Variants in ERMP1 observed in about 807,000 individuals in gnomAD.
ERMP1 encodes the protein Felix-ina.
ERMP1 carries 86 observed loss-of-function variants against 92.0 expected under a neutral mutation model. That is an observed-to-expected ratio of 0.93 (90% CI 0.79 to 1.12). The LOEUF is 1.12. Ranked by LOEUF, ERMP1 falls within the 50% of genes most tolerant of loss-of-function variation. The pLI, the probability that ERMP1 is intolerant of heterozygous loss-of-function variation, is 0.00. For synonymous variants in ERMP1, 530 were observed against 412.8 expected (o/e 1.28, Z -3.44); for missense variants, 1,342 against 1,116.3 (o/e 1.20, Z -2.88).
chr9:5,859,923 G>GAC (rs1183815186), intron 5 of ERMP1, among the ~76,000 whole-genome samples: 2 of 152,104 alleles, frequency 1.3e-5, no homozygotes, highest in African/African-American at 2.4e-5. Flanking sequence ...CCACACCCCT[G>GAC]TATTACACAG....
chr9:5,862,010 T>A (rs192376230), intron 5 of ERMP1, among the ~76,000 whole-genome samples: 207 of 151,984 alleles, frequency 1.4e-3, no homozygotes, highest in South Asian at 0.012. Flanking sequence ...AATTTTTTTT[T>A]TAAAAAAAGT....
At chr9:5,813,199 A>G (rs1246143392) in intron 4 of ERMP1, among the ~76,000 whole-genome samples, 164 bp from the exon 5 acceptor site, 2 of 152,192 alleles carry the variant, frequency 1.3e-5, no homozygotes, top group Non-Finnish European at 2.9e-5. Context: ...TTTCTCTGAT[A>G]TATGTGTTTG....
intron 6 of ERMP1, among the ~76,000 whole-genome samples, chr9:5,847,870 G>A (rs1301678859): frequency 2.0e-5 from 3 of 151,256 alleles, no homozygotes; most frequent in East Asian, 1.9e-4. Flanking sequence ...ACTCCAGCCC[G>A]GGCGACAGAG....
rs1201855997 is a variant in ERMP1, at chr9:5,784,582, A to C, written c.*2562T>G. ...AAAGATACCAACCAGTATATTAAAC[A>C]GTTTATTTCAGTAACATTGTAAGGC... On this transcript the variant is annotated 3_prime_UTR_variant, in exon 15 of 15. Transcript: ENST00000339450. 6.5e-5 allele frequency: 10 copies of C among 152,680 alleles called. No individual in the cohort carries two copies. The highest frequency in any genetic ancestry group is 2.4e-4 in the African/African-American group (10 of 41,476). The allele number at this position is 152,680 out of a possible 1,614,324, so 9.5% of individuals were successfully genotyped here. A position where few individuals can be genotyped will look rare whatever the true frequency, so the allele number is the denominator to read the frequency against.
chr9:5,812,034 A>T, intron 6 of ERMP1, 91 bp downstream of exon 6: 1 of 795,008 alleles, frequency 1.3e-6, no homozygotes, highest in Non-Finnish European at 2.1e-6. Context: ...CTGCCTCTCT[A>T]ATGCACAGGC....
intron 6 of ERMP1, among the ~76,000 whole-genome samples, chr9:5,858,974 G>A (rs1308548678): frequency 1.3e-5 from 2 of 152,146 alleles, no homozygotes; most frequent in Non-Finnish European, 2.9e-5. Context: ...AGTCCCTCTC[G>A]CAGACATGAA....
intron 8 of ERMP1, among the ~76,000 whole-genome samples, chr9:5,809,008 A>G (rs1776009): frequency 0.43 from 64,281 of 150,786 alleles, 14,162 homozygotes; most frequent in East Asian, 0.75. Context: ...CATGAGCCAC[A>G]GCACCCAGCC....
intron 4 of ERMP1, among the ~76,000 whole-genome samples, chr9:5,813,723 A>C (rs951515847): frequency 2.0e-5 from 3 of 151,870 alleles, no homozygotes; most frequent in Non-Finnish European, 4.4e-5. Flanking sequence ...ATTTCACTGA[A>C]TATGCCATAA....
At chr9:5,794,482 T>C (rs1414807218) in intron 13 of ERMP1, among the ~76,000 whole-genome samples, 1 of 151,096 alleles carries the variant, frequency 6.6e-6, no homozygotes, top group Non-Finnish European at 1.5e-5. Context: ...TTAGAAAAGA[T>C]CAATAAAATT....
chr9:5,791,238 T>C (rs773305321), intron 13 of ERMP1: 12 of 456,656 alleles, frequency 2.6e-5, no homozygotes, highest in Middle Eastern at 6.5e-4. Flanking sequence ...GCTTACATGA[T>C]TGTTGAGGCT....
intron 6 of ERMP1, among the ~76,000 whole-genome samples, chr9:5,850,405 C>CA (rs59464514): frequency 0.011 from 442 of 40,592 alleles, 48 homozygotes; most frequent in African/African-American, 0.03. Flanking sequence ...AACTCCGTCT[C>CA]AAAAAAAAAA....
In ERMP1 at chr9:5,825,330, T is replaced by C; in HGVS notation, c.641-111A>G. 3.9e-6 allele frequency: 4 copies of C among 1,023,454 alleles called. No homozygotes were observed. In the South Asian group the frequency reaches 6.7e-5, roughly 17 times the overall value. The allele number at this position is 1,023,454 out of a possible 1,614,324, so 63.4% of individuals were successfully genotyped here. A position where few individuals can be genotyped will look rare whatever the true frequency, so the allele number is the denominator to read the frequency against. On this transcript the variant is annotated intron_variant, in intron 2 of 14. Coordinates refer to ENST00000339450, the MANE Select transcript of ERMP1 (RefSeq NM_024896.3). ...TCAGAGAAGCATCACAATAGCTGCA[T>C]GACCAGAAGCATAGCTCTGTCATCA... is the stretch of plus-strand genomic sequence containing the variant.
intron 6 of ERMP1, among the ~76,000 whole-genome samples, chr9:5,851,578 G>C (rs1226697575): frequency 6.6e-6 from 1 of 152,194 alleles, no homozygotes; most frequent in Non-Finnish European, 1.5e-5. Flanking sequence ...CAAGGGGCAA[G>C]AGTCAACCTG....
intron 6 of ERMP1, among the ~76,000 whole-genome samples, chr9:5,852,350 C>T (rs779216243): frequency 2.2e-4 from 33 of 151,562 alleles, no homozygotes; most frequent in African/African-American, 7.0e-4. Context: ...GCAGCCTTGA[C>T]CTTCCCACGC....
At chr9:5,805,005 A>G in intron 10 of ERMP1, 22 bp downstream of exon 10, 1 of 1,574,086 alleles carries the variant, frequency 6.4e-7, no homozygotes, top group South Asian at 1.2e-5. Context: ...GAAGAAAAAG[A>G]AAAAAACTTA....
chr9:5,809,226 T>C (rs1453391905), intron 8 of ERMP1, among the ~76,000 whole-genome samples: 1 of 151,332 alleles, frequency 6.6e-6, no homozygotes, highest in Non-Finnish European at 1.5e-5. Context: ...TTCACCGTGT[T>C]AGCCAGGATG....
Position 5,785,487 on chromosome 9 carries a change from A to G in ERMP1, c.*1657T>C, listed in dbSNP as rs768562309. The G allele has an allele frequency of 7.2e-5, 11 of 152,248 alleles. No homozygotes were observed. The highest frequency in any genetic ancestry group is 1.3e-4 in the Non-Finnish European group (9 of 68,048). The allele number at this position is 152,248 out of a possible 1,614,324, so 9.4% of individuals were successfully genotyped here. On this transcript the variant is annotated 3_prime_UTR_variant, in exon 15 of 15. Coordinates refer to ENST00000339450, the MANE Select transcript of ERMP1 (RefSeq NM_024896.3). Reference sequence around the variant, plus strand: ...ATTTCTACAAAGTCCAGGAAGAGCAATGATTCCAGTGTGCAGTGCTGATGC... The same window carrying G: ...ATTTCTACAAAGTCCAGGAAGAGCAGTGATTCCAGTGTGCAGTGCTGATGC...
chr9:5,817,186 C>T (rs565418443), intron 4 of ERMP1, among the ~76,000 whole-genome samples: 1 of 151,902 alleles, frequency 6.6e-6, no homozygotes, highest in Admixed American at 6.6e-5. Context: ...GCATGAGCCA[C>T]CGTGCCCAGC....
In ERMP1 at chr9:5,809,951, A is replaced by T. The variant is rs1394846278; in HGVS notation, c.1548+60T>A. ...GGCCAAATACAATGAATCACACTTA[A>T]GTTCATCTTCAGTCCCTGGAGGCAA... is the stretch of plus-strand genomic sequence containing the variant. On this transcript the variant is annotated intron_variant, in intron 8 of 14. Transcript: ENST00000339450. 9.3e-5 allele frequency: 111 copies of T among 1,193,874 alleles called. 1 individual carries two copies. The Admixed American group carries it at 1.9e-3, about 21-fold the overall frequency. The allele number at this position is 1,193,874 out of a possible 1,614,324, so 74.0% of individuals were successfully genotyped here.
Sources: allele counts gnomAD v4.1 joint callset (sites outside exome capture counted in the v4.1 genomes callset), GRCh38; gene constraint gnomAD v4.1.1; transcripts MANE v1.5; gene names NCBI Gene and HGNC (gene_info 2026-07-23, HGNC 2026-07-21).